Variants in THRB observed in about 807,000 individuals in gnomAD.
THRB encodes the protein thyroid hormone receptor beta.
Under a neutral mutation model 47.8 loss-of-function variants are expected in THRB, and 12 were observed. The ratio of observed to expected loss-of-function variants is 0.25; its 90% CI spans 0.16 to 0.41. The LOEUF (loss-of-function observed/expected upper bound fraction) is 0.41. Ranked by LOEUF, THRB falls within the 10% of genes least tolerant of loss-of-function variation. The probability of loss-of-function intolerance (pLI) is 1.00; values close to 1 mark genes in which losing one functional copy is unlikely to be tolerated. For missense variants in THRB, 348 were observed against 589.2 expected, an observed-to-expected ratio of 0.59 and a Z score of 4.24; for synonymous variants, 218 against 212.2, an observed-to-expected ratio of 1.03 and a Z score of -0.24.
intron 3 of THRB, among the ~76,000 whole-genome samples, chr3:24,280,893 A>C (rs2054513247): frequency 6.6e-6 from 1 of 152,328 alleles, no homozygotes; most frequent in African/African-American, 2.4e-5. Flanking sequence ...GAGAAAAAGG[A>C]ATAAAAAGAA....
chr3:24,417,256 G>A (rs569865360), intron 1 of THRB, among the ~76,000 whole-genome samples: 1 of 151,990 alleles, frequency 6.6e-6, no homozygotes, highest in South Asian at 2.1e-4. Context: ...ATTTATGCAA[G>A]TAGGCTTGAG....
At chr3:24,296,390 C>T (rs1032157964) in intron 3 of THRB, among the ~76,000 whole-genome samples, 2 of 152,238 alleles carry the variant, frequency 1.3e-5, no homozygotes, top group Non-Finnish European at 2.9e-5. Context: ...CTTCCCAAAG[C>T]TCCTGCTAAT....
chr3:24,312,629 TC>T (rs1159445373), intron 2 of THRB, among the ~76,000 whole-genome samples: 1 of 152,194 alleles, frequency 6.6e-6, no homozygotes, highest in Non-Finnish European at 1.5e-5. Flanking sequence ...TCAATAATTT[TC>T]ACATTCTTTT....
chr3:24,124,311 T>C (rs1262741576), intron 10 of THRB, among the ~76,000 whole-genome samples: 1 of 152,224 alleles, frequency 6.6e-6, no homozygotes, highest in Non-Finnish European at 1.5e-5. Context: ...TCCTTCATAT[T>C]TGATGAAGCT....
intron 1 of THRB, among the ~76,000 whole-genome samples, chr3:24,416,648 C>T (rs2068753790): frequency 6.6e-6 from 1 of 151,854 alleles, no homozygotes; most frequent in African/African-American, 2.4e-5. Context: ...AATCGAGCAA[C>T]CTATTAACCT....
intron 1 of THRB, among the ~76,000 whole-genome samples, chr3:24,385,602 T>C (rs2066037659): frequency 2.6e-5 from 4 of 152,134 alleles, no homozygotes; most frequent in Admixed American, 2.6e-4. Context: ...ACAATTACAT[T>C]ATCATTAGAG....
chr3:24,289,821 T>C (rs747768671), intron 3 of THRB, among the ~76,000 whole-genome samples: 1 of 152,180 alleles, frequency 6.6e-6, no homozygotes, highest in Admixed American at 6.5e-5. Context: ...TGACTAAAAA[T>C]TCATTATATC....
chr3:24,314,758 C>A (rs941249270), intron 2 of THRB, among the ~76,000 whole-genome samples: 1 of 152,146 alleles, frequency 6.6e-6, no homozygotes, highest in Non-Finnish European at 1.5e-5. Flanking sequence ...CTCTACAGAG[C>A]CATTCTTTGG....
At chr3:24,126,265 G>A (rs901954253) in intron 10 of THRB, among the ~76,000 whole-genome samples, 7 of 152,078 alleles carry the variant, frequency 4.6e-5, no homozygotes, top group Non-Finnish European at 7.4e-5. Flanking sequence ...GGGTGGTGGC[G>A]TGTGCTTGGA....
At chr3:24,152,521 A>T in intron 5 of THRB, 31 bp from the exon 6 acceptor site, 1 of 1,164,746 alleles carries the variant, frequency 8.6e-7, no homozygotes, top group Non-Finnish European at 1.3e-6. Context: ...GGAATATTAA[A>T]AAATAATATG....
chr3:24,310,260 T>C (rs1276354786), intron 2 of THRB, among the ~76,000 whole-genome samples: 6 of 152,226 alleles, frequency 3.9e-5, no homozygotes, highest in Non-Finnish European at 7.3e-5. Context: ...TTGTTTTCTA[T>C]CTATAAGAAT....
intron 3 of THRB, among the ~76,000 whole-genome samples, chr3:24,284,075 A>G (rs2054946851): frequency 1.4e-5 from 2 of 142,158 alleles, no homozygotes; most frequent in African/African-American, 5.1e-5. Flanking sequence ...AATTGGAAAA[A>G]ACTACTTTAA....
At chr3:24,176,556 T>TTGTC (rs2041182144) in intron 5 of THRB, among the ~76,000 whole-genome samples, 1 of 152,182 alleles carries the variant, frequency 6.6e-6, no homozygotes, top group African/African-American at 2.4e-5. Context: ...GATTTATTCT[T>TTGTC]TGTCAGTAAA....
chr3:24,410,198 A>G (rs759704350), intron 1 of THRB, among the ~76,000 whole-genome samples: 4 of 151,866 alleles, frequency 2.6e-5, no homozygotes, highest in African/African-American at 4.8e-5. Flanking sequence ...TAACCTCCAG[A>G]AGCTCCCTAC....
chr3:24,270,568 G>A (rs1241143073), intron 3 of THRB, among the ~76,000 whole-genome samples: 2 of 152,178 alleles, frequency 1.3e-5, no homozygotes, highest in African/African-American at 4.8e-5. Flanking sequence ...CTTCCAGCTG[G>A]AGCTTAAGAG....
At chr3:24,346,503 C>T (rs1214445994) in intron 1 of THRB, among the ~76,000 whole-genome samples, 1 of 151,878 alleles carries the variant, frequency 6.6e-6, no homozygotes, top group Non-Finnish European at 1.5e-5. Context: ...TGCAGAAAAA[C>T]AGTTCACAAA....
At chr3:24,161,160 T>A (rs1026534864) in intron 5 of THRB, among the ~76,000 whole-genome samples, 2 of 152,262 alleles carry the variant, frequency 1.3e-5, no homozygotes, top group Non-Finnish European at 2.9e-5. Context: ...ACAGTGAATA[T>A]GTTCTGTATT....
chr3:24,437,213 T>C (rs1217821100), intron 1 of THRB, among the ~76,000 whole-genome samples: 2 of 150,938 alleles, frequency 1.3e-5, no homozygotes, highest in Non-Finnish European at 3.0e-5. Flanking sequence ...GCCAAAAACA[T>C]GAAATCCTCT....
Position 24,280,955 on chromosome 3 carries a change from G to A in THRB, c.-43+16271C>T, listed in dbSNP as rs530032324. 2.3e-3 allele frequency among the ~76,000 whole-genome samples: 356 copies of A among 152,182 alleles called. 2 individuals are homozygous for A. The highest frequency in any genetic ancestry group is 1.9e-3 in the Non-Finnish European group (131 of 68,014). ...GACTATGTGAAAAGACCAAATCTAC[G>A]TCTGATTGGTGTACCTGAAAGTGAT... On this transcript the variant is annotated intron_variant, in intron 3 of 10. Transcript: ENST00000646209.
Sources: allele counts gnomAD v4.1 joint callset (sites outside exome capture counted in the v4.1 genomes callset), GRCh38; gene constraint gnomAD v4.1.1; transcripts MANE v1.5; gene names NCBI Gene and HGNC (gene_info 2026-07-23, HGNC 2026-07-21).